ERBB4: variants seen among roughly 807,000 people sequenced by gnomAD.
ERBB4 encodes the protein receptor tyrosine-protein kinase erbB-4.
ERBB4 carries 42 observed loss-of-function variants against 158.0 expected under a neutral mutation model. The ratio of observed to expected loss-of-function variants is 0.27; its 90% confidence interval spans 0.21 to 0.34. ERBB4 has a LOEUF of 0.34. Ranked by LOEUF, ERBB4 falls within the 10% of genes least tolerant of loss-of-function variation. The probability of loss-of-function intolerance (pLI) is 1.00; values close to 1 mark genes in which losing one functional copy is unlikely to be tolerated. For missense variants in ERBB4, 1,333 were observed against 1,624.1 expected (o/e 0.82, Z 3.08); for synonymous variants, 583 against 558.7 (o/e 1.04, Z -0.61).
At chr2:211,765,537 A>T (rs1460949221) in intron 4 of ERBB4, among the ~76,000 whole-genome samples, 1 of 152,176 alleles carries the variant, frequency 6.6e-6, no homozygotes, top group Non-Finnish European at 1.5e-5. Flanking sequence ...AACAGAAATG[A>T]CTTACTATTT....
chr2:211,950,696 T>C (rs1337897730), intron 2 of ERBB4, among the ~76,000 whole-genome samples: 1 of 152,204 alleles, frequency 6.6e-6, no homozygotes, highest in East Asian at 1.9e-4. Context: ...TGGCATCAAA[T>C]TGGGAACTCT....
intron 1 of ERBB4, among the ~76,000 whole-genome samples, chr2:212,503,967 T>C (rs962762204): frequency 6.6e-6 from 1 of 152,174 alleles, no homozygotes; most frequent in Admixed American, 6.5e-5. Context: ...ACAAAACTAT[T>C]TGTTAAGTAT....
At chr2:211,705,189 T>A in intron 10 of ERBB4, 129 bp downstream of exon 10, 1 of 719,348 alleles carries the variant, frequency 1.4e-6, no homozygotes, top group Non-Finnish European at 2.6e-6. Flanking sequence ...CCTGACCTCA[T>A]GATCCACCCG....
intron 2 of ERBB4, among the ~76,000 whole-genome samples, chr2:212,026,493 A>T (rs2076775697): frequency 6.6e-6 from 1 of 151,868 alleles, no homozygotes; most frequent in African/African-American, 2.4e-5. Context: ...CTTCTAATGT[A>T]GGAAAAGAAA....
intron 25 of ERBB4, among the ~76,000 whole-genome samples, chr2:211,414,851 C>G (rs933742661): frequency 6.6e-6 from 1 of 151,932 alleles, no homozygotes; most frequent in Non-Finnish European, 1.5e-5. Flanking sequence ...TTGTAAGTTA[C>G]GTAAACTGTC....
intron 1 of ERBB4, among the ~76,000 whole-genome samples, chr2:212,344,112 C>T (rs1263552045): frequency 6.6e-6 from 1 of 152,020 alleles, no homozygotes; most frequent in Non-Finnish European, 1.5e-5. Flanking sequence ...GATGGGGCCA[C>T]CAAACAAAGC....
intron 1 of ERBB4, among the ~76,000 whole-genome samples, chr2:212,288,723 C>T (rs1445150001): frequency 6.6e-6 from 1 of 151,972 alleles, no homozygotes; most frequent in Non-Finnish European, 1.5e-5. Flanking sequence ...CCGTTTTTAG[C>T]TCAACTAAAG....
At chr2:212,413,655 A>G (rs1019123858) in intron 1 of ERBB4, among the ~76,000 whole-genome samples, 2 of 152,132 alleles carry the variant, frequency 1.3e-5, no homozygotes, top group Non-Finnish European at 2.9e-5. Context: ...TATAGCAGAA[A>G]GGGCCCTGGG....
intron 1 of ERBB4, among the ~76,000 whole-genome samples, chr2:212,151,849 A>C (rs1046568832): frequency 2.6e-5 from 4 of 152,176 alleles, no homozygotes; most frequent in Non-Finnish European, 5.9e-5. Flanking sequence ...AGATTGCACC[A>C]CTGCACTCCA....
chr2:212,076,006 GC>G (rs1461679718), intron 2 of ERBB4, among the ~76,000 whole-genome samples: 3 of 151,644 alleles, frequency 2.0e-5, no homozygotes, highest in African/African-American at 7.3e-5. Flanking sequence ...ATTTTATTCT[GC>G]CTATTAAGAT....
intron 20 of ERBB4, among the ~76,000 whole-genome samples, chr2:211,473,982 G>A (rs754379282): frequency 4.6e-5 from 7 of 152,050 alleles, no homozygotes; most frequent in Admixed American, 1.3e-4. Flanking sequence ...TTTCCATTTC[G>A]TCTCCAAGGA....
rs534974395 is a variant in ERBB4, at chr2:212,184,306, C to A, written c.83-59403G>T. Among the ~76,000 whole-genome samples the A allele has an allele frequency of 3.9e-4, 59 of 152,128 alleles. No individual in the cohort carries two copies. In the South Asian group the frequency reaches 5.4e-3, roughly 14 times the overall value. ...CATGTTCTAAGACCCTGCCGAAAAC[C>A]CTGTGTTCTTGAATATTTCAACTGT... is the stretch of plus-strand genomic sequence containing the variant. On this transcript the variant is annotated intron_variant, in intron 1 of 27. Coordinates refer to ENST00000342788, the MANE Select transcript of ERBB4 (RefSeq NM_005235.3).
At chr2:212,530,555 T>C (rs1352484335) in intron 1 of ERBB4, among the ~76,000 whole-genome samples, 1 of 152,056 alleles carries the variant, frequency 6.6e-6, no homozygotes, top group Non-Finnish European at 1.5e-5. Flanking sequence ...CATCCTGAAA[T>C]AGAAGACTGT....
intron 2 of ERBB4, among the ~76,000 whole-genome samples, chr2:212,101,842 T>C (rs998610543): frequency 2.0e-5 from 3 of 151,778 alleles, no homozygotes; most frequent in African/African-American, 7.2e-5. Context: ...GCTTATTCAG[T>C]GACCTTACTT....
chr2:211,732,956 G>A (rs2074475604), intron 5 of ERBB4, among the ~76,000 whole-genome samples: 1 of 152,166 alleles, frequency 6.6e-6, no homozygotes, highest in African/African-American at 2.4e-5. Context: ...CAGCCTGCGT[G>A]ACTGAGTGAG....
In ERBB4 at chr2:212,151,552, T is replaced by A. The variant is rs542370817; in HGVS notation, c.83-26649A>T. Among the ~76,000 whole-genome samples, 3 of 151,724 alleles carry A rather than the reference T, an allele frequency of 2.0e-5. No individual in the cohort carries two copies. The South Asian group carries it at 6.2e-4, about 31-fold the overall frequency. The stretch of plus-strand genomic sequence containing the variant: ...AATTTTTAATTATAAAAATAATAAA[T>A]ATACATTTCAGAAAATTTTGGAAAT... On this transcript the variant is annotated intron_variant, in intron 1 of 27. Coordinates refer to ENST00000342788, the MANE Select transcript of ERBB4 (RefSeq NM_005235.3).
intron 1 of ERBB4, among the ~76,000 whole-genome samples, chr2:212,508,459 A>G (rs1213212106): frequency 6.6e-6 from 1 of 152,228 alleles, no homozygotes; most frequent in African/African-American, 2.4e-5. Context: ...CATTTTATGA[A>G]TCAATTATCT....
chr2:211,916,392 C>G (rs1470411989), intron 3 of ERBB4, among the ~76,000 whole-genome samples: 1 of 152,028 alleles, frequency 6.6e-6, no homozygotes, highest in African/African-American at 2.4e-5. Flanking sequence ...GTTGGCTAGG[C>G]TGGTCTCGAA....
intron 2 of ERBB4, among the ~76,000 whole-genome samples, chr2:212,006,021 A>T (rs2076251672): frequency 2.0e-5 from 3 of 152,208 alleles, no homozygotes. Flanking sequence ...GGAGAAAAAA[A>T]AGAAAGAACA....
Sources: allele counts gnomAD v4.1 joint callset (sites outside exome capture counted in the v4.1 genomes callset), GRCh38; gene constraint gnomAD v4.1.1; transcripts MANE v1.5; gene names NCBI Gene and HGNC (gene_info 2026-07-23, HGNC 2026-07-21).